The following COL18A1 variants were observed in gnomAD, a reference collection of about 807,000 sequenced individuals.
COL18A1 encodes the protein collagen alpha-1(XVIII) chain.
A neutral mutation model predicts 168.0 loss-of-function variants in COL18A1; 133 were observed. That is an observed-to-expected ratio of 0.79 (90% CI 0.69 to 0.91). The LOEUF is 0.91. COL18A1 is among the 40% of genes least tolerant of loss of function. COL18A1 has a pLI of 0.00. For synonymous variants in COL18A1, 949 were observed against 809.0 expected, an observed-to-expected ratio of 1.17 and a Z score of -2.94; for missense variants, 2,126 against 1,925.4, an observed-to-expected ratio of 1.10 and a Z score of -1.95.
intron 2 of COL18A1, among the ~76,000 whole-genome samples, chr21:45,438,227 CAG>C (rs1464396070): frequency 9.7e-6 from 1 of 103,144 alleles, no homozygotes; most frequent in Admixed American, 9.1e-5. Context: ...CTCACACACT[CAG>C]ACACACAGGC....
rs903567617 is a variant in COL18A1 at position 45,510,269 on chromosome 21, A to G, written c.3693+8A>G. 1 of 1,599,616 alleles carries G rather than the reference A, an allele frequency of 6.3e-7. No homozygotes were observed. Among genetic ancestry groups the G allele is most frequent in the South Asian group, 1.1e-5 (1 of 88,908 alleles). Reference sequence around the variant, plus strand: ...CCCATCGTCAACCTCAAGGTGGGTCAGTCCAGTCCTGAGGGCGCGGGCTCC... The same window carrying G: ...CCCATCGTCAACCTCAAGGTGGGTCGGTCCAGTCCTGAGGGCGCGGGCTCC... On this transcript the variant is annotated splice_region_variant and intron_variant, in intron 40 of 41. Coordinates refer to ENST00000651438, the MANE Select transcript of COL18A1 (RefSeq NM_001379500.1).
chr21:45,484,435 C>A (rs1282328286), intron 15 of COL18A1, among the ~76,000 whole-genome samples: 1 of 151,442 alleles, frequency 6.6e-6, no homozygotes, highest in Non-Finnish European at 1.5e-5. Flanking sequence ...TGTGAGCACA[C>A]ACACACCTCT....
At chr21:45,482,748 T>G in intron 14 of COL18A1, 47 bp from the exon 15 acceptor site, 1 of 1,614,232 alleles carries the variant, frequency 6.2e-7, no homozygotes, top group Non-Finnish European at 8.5e-7. Flanking sequence ...CTCTGTCCAC[T>G]GTGCTGCAAG....
intron 2 of COL18A1, among the ~76,000 whole-genome samples, chr21:45,453,556 C>G (rs774027738): frequency 1.3e-5 from 2 of 152,170 alleles, no homozygotes; most frequent in Admixed American, 1.3e-4. Flanking sequence ...ACTAGGATTT[C>G]CAGGAGGTTA....
chr21:45,449,028 CA>C (rs769315051), intron 2 of COL18A1, among the ~76,000 whole-genome samples: 31 of 152,342 alleles, frequency 2.0e-4, no homozygotes, highest in Admixed American at 7.2e-4. Flanking sequence ...GGCCTCCTGT[CA>C]GGGGCAGAGG....
rs7499 is a variant in COL18A1, at chr21:45,512,414, G to A, written c.*16G>A. 0.41 allele frequency: 654,194 copies of A among 1,608,724 alleles called. 134,572 individuals are homozygous for A. Among genetic ancestry groups the A allele is most frequent in the East Asian group, 0.6 (26,729 of 44,738 alleles). Reference sequence around the variant, plus strand: ...CTCCAAGTAGCCACCGCCTGGATGCGGATGGCCGGAGAGGACCGGCGGCTC... The same window carrying A: ...CTCCAAGTAGCCACCGCCTGGATGCAGATGGCCGGAGAGGACCGGCGGCTC... On this transcript the variant is annotated 3_prime_UTR_variant, in exon 42 of 42. Transcript: ENST00000651438.
rs1021126775 is a variant in COL18A1, at chr21:45,457,170, G to A, written c.107-11072G>A. The stretch of plus-strand genomic sequence containing the variant: ...CGCATTTAGTCCTCAGCACGGTCCC[G>A]AGATACCCTGCCATGCCCCGAGTCA... On this transcript the variant is annotated intron_variant, in intron 2 of 41. Coordinates refer to ENST00000651438, the MANE Select transcript of COL18A1 (RefSeq NM_001379500.1). The surrounding 1 kb of genome is among the most constrained non-coding windows in gnomAD (Gnocchi z 4.6). Among the ~76,000 whole-genome samples, 8 of 152,172 alleles carry A rather than the reference G, an allele frequency of 5.3e-5. No individual in the cohort carries two copies. The highest frequency in any genetic ancestry group is 2.1e-4 in the South Asian group (1 of 4,832).
rs2034880165 is a variant in COL18A1 at position 45,457,534 on chromosome 21, C to T, written c.107-10708C>T. On this transcript the variant is annotated intron_variant, in intron 2 of 41. Transcript: ENST00000651438. This position sits in a 1 kb window ranked among gnomAD's most constrained non-coding sequence, Gnocchi z 4.6. Reference sequence around the variant, plus strand: ...ATCACCGTGTGGCCTGGCCTTGTTGCTGGCTGGACAGTTGGGGGCAGGAAG... The same window carrying T: ...ATCACCGTGTGGCCTGGCCTTGTTGTTGGCTGGACAGTTGGGGGCAGGAAG... Among the ~76,000 whole-genome samples the T allele has an allele frequency of 6.6e-6, 1 of 152,210 alleles. No homozygotes were observed. The highest frequency in any genetic ancestry group is 1.5e-5 in the Non-Finnish European group (1 of 68,036).
chr21:45,434,874 A>C (rs1297923806), intron 2 of COL18A1, among the ~76,000 whole-genome samples: 2 of 152,132 alleles, frequency 1.3e-5, no homozygotes, highest in East Asian at 3.9e-4. Context: ...GGGGTGACCC[A>C]GGGCCTTTGA....
At chr21:45,428,154 G>A (rs1027899626) in intron 2 of COL18A1, among the ~76,000 whole-genome samples, 3 of 152,216 alleles carry the variant, frequency 2.0e-5, no homozygotes, top group Admixed American at 6.5e-5. Flanking sequence ...GTTGGGGTCC[G>A]GCGCTCCTGC....
At chr21:45,467,835 G>T (rs1252313439) in intron 2 of COL18A1, among the ~76,000 whole-genome samples, 1 of 152,160 alleles carries the variant, frequency 6.6e-6, no homozygotes, top group Non-Finnish European at 1.5e-5. Flanking sequence ...CAGCGGGGGT[G>T]CCGGCCAGTC....
chr21:45,468,009 C>G (rs913132239), intron 2 of COL18A1, among the ~76,000 whole-genome samples: 1 of 152,328 alleles, frequency 6.6e-6, no homozygotes, highest in South Asian at 2.1e-4. Context: ...GACACCATGT[C>G]CCCTGCACAC....
intron 2 of COL18A1, among the ~76,000 whole-genome samples, chr21:45,449,122 G>A (rs1051561858): frequency 6.6e-6 from 1 of 152,168 alleles, no homozygotes; most frequent in Admixed American, 6.5e-5. Context: ...CTCAGGCCCC[G>A]CTGCCCGGCT....
Position 45,496,579 on chromosome 21 carries a change from A to C in COL18A1, c.2577+11A>C. 1.5e-6 allele frequency: 2 copies of C among 1,354,820 alleles called. No individual in the cohort carries two copies. The highest frequency in any genetic ancestry group is 2.1e-6 in the Non-Finnish European group (2 of 950,010). The allele number at this position is 1,354,820 out of a possible 1,614,324, so 83.9% of individuals were successfully genotyped here. ...GTTTACGACAGCAATGTAAGTCCCCAGGGCACCCACTGTCCTACAGCCACC... is the reference window on the plus strand; with the variant it reads ...GTTTACGACAGCAATGTAAGTCCCCCGGGCACCCACTGTCCTACAGCCACC... On this transcript the variant is annotated intron_variant, in intron 30 of 41. Transcript: ENST00000651438.
chr21:45,487,135 C>T (rs956011623), intron 16 of COL18A1, 143 bp downstream of exon 16: 21 of 892,130 alleles, frequency 2.4e-5, no homozygotes, highest in Non-Finnish European at 3.5e-5. Flanking sequence ...ATTCCATATT[C>T]CGCATGGTGG....
intron 2 of COL18A1, among the ~76,000 whole-genome samples, chr21:45,410,926 C>G (rs1028970990): frequency 6.6e-6 from 1 of 152,108 alleles, no homozygotes; most frequent in South Asian, 2.1e-4. Flanking sequence ...CTGGAGGCCT[C>G]GTCTGGACAC....
intron 9 of COL18A1, among the ~76,000 whole-genome samples, chr21:45,479,318 CCA>C (rs1273741518): frequency 3.3e-5 from 5 of 151,690 alleles, no homozygotes; most frequent in Non-Finnish European, 5.9e-5. Flanking sequence ...ACACATTACA[CCA>C]CACGTGGATA....
intron 21 of COL18A1, 37 bp from the exon 22 acceptor site, chr21:45,491,188 T>G: frequency 2.6e-3 from 3,822 of 1,481,734 alleles, no homozygotes; most frequent in Non-Finnish European, 3.3e-3. Context: ...CCAGAGCGGT[T>G]GAGATGAAAT....
At position 45,474,700 on chromosome 21, in the gene COL18A1, G is replaced by A. The variant is rs138552110; in HGVS notation, c.738+719G>A. ...GGGCCCAGATCACAACATGCCCCAC[G>A]TGAACATGGACCCACAGCCTCGCTC... On this transcript the variant is annotated intron_variant, in intron 4 of 41. Transcript: ENST00000651438. 2.3e-3 allele frequency among the ~76,000 whole-genome samples: 356 copies of A among 151,750 alleles called. 5 individuals carry two copies. The highest frequency in any genetic ancestry group is 8.4e-3 in the African/African-American group (343 of 40,978).
Sources: allele counts gnomAD v4.1 joint callset (sites outside exome capture counted in the v4.1 genomes callset), GRCh38; gene constraint gnomAD v4.1.1; non-coding constraint Gnocchi (gnomAD v3.1); transcripts MANE v1.5; gene names NCBI Gene and HGNC (gene_info 2026-07-23, HGNC 2026-07-21).